Variants in ADGRG6 observed in about 807,000 individuals in gnomAD.
ADGRG6 encodes the protein G-protein coupled receptor 126.
ADGRG6 carries 84 observed loss-of-function variants against 142.4 expected under a neutral mutation model. The ratio of observed to expected loss-of-function variants is 0.59; its 90% CI spans 0.49 to 0.71. ADGRG6 has a LOEUF of 0.71. Ranked by LOEUF, ADGRG6 falls within the 30% of genes least tolerant of loss-of-function variation. The pLI is 0.00. For missense variants in ADGRG6, 1,367 were observed against 1,466.6 expected (o/e 0.93, Z 1.11); for synonymous variants, 521 against 520.5 (o/e 1.00, Z -0.01).
At chr6:142,340,696 C>T (rs1475180564) in intron 2 of ADGRG6, among the ~76,000 whole-genome samples, 1 of 151,960 alleles carries the variant, frequency 6.6e-6, no homozygotes, top group East Asian at 1.9e-4. Flanking sequence ...ACATTCTTGT[C>T]CCCCCACATC....
In ADGRG6 at chr6:142,404,961, G is replaced by A. The variant is rs1412931693; in HGVS notation, c.2128-727G>A. On this transcript the variant is annotated intron_variant, in intron 14 of 24. Transcript: ENST00000367609. ...TCCTACTACATGCCAGGCACTATTA[G>A]CCACCAGAGCAAACAAAATGAATGA... is the stretch of plus-strand genomic sequence containing the variant. Among the ~76,000 whole-genome samples, 3 of 152,140 alleles carry A rather than the reference G, an allele frequency of 2.0e-5. No individual in the cohort carries two copies. The East Asian group carries it at 5.8e-4, about 29-fold the overall frequency.
In ADGRG6 at chr6:142,437,415, A is replaced by G. The variant is rs747169601; in HGVS notation, c.3320-19A>G. ...GATGTGTCAGTTGGCTTAAATATTT[A>G]TATTTTCTTTTGTCACAGGCTTATT... On this transcript the variant is annotated intron_variant, in intron 22 of 24. Coordinates refer to ENST00000367609, the MANE Select transcript of ADGRG6 (RefSeq NM_198569.3). 25 of 1,144,268 alleles carry G rather than the reference A, an allele frequency of 2.2e-5. No homozygotes were observed. In the East Asian group the frequency reaches 5.6e-4, roughly 26 times the overall value. 70.9% of individuals were successfully genotyped at this position (1,144,268 alleles called of 1,614,324 possible).
chr6:142,352,125 A>C (rs1230774987), intron 2 of ADGRG6, among the ~76,000 whole-genome samples: 2 of 152,168 alleles, frequency 1.3e-5, no homozygotes, highest in Non-Finnish European at 2.9e-5. Flanking sequence ...TATATACCCA[A>C]AGGAAAATAA....
At chr6:142,330,260 A>G (rs1750417104) in intron 2 of ADGRG6, among the ~76,000 whole-genome samples, 1 of 152,100 alleles carries the variant, frequency 6.6e-6, no homozygotes, top group South Asian at 2.1e-4. Context: ...TACCTGGCTG[A>G]TGAAATAATC....
intron 2 of ADGRG6, among the ~76,000 whole-genome samples, chr6:142,354,675 C>A (rs1780357738): frequency 6.6e-6 from 1 of 152,106 alleles, no homozygotes; most frequent in Non-Finnish European, 1.5e-5. Context: ...AAAATGAGAT[C>A]CCTAAAAGGG....
At chr6:142,397,406 C>G (rs1340298437) in intron 9 of ADGRG6, among the ~76,000 whole-genome samples, 1 of 152,008 alleles carries the variant, frequency 6.6e-6, no homozygotes, top group Non-Finnish European at 1.5e-5. Context: ...ATTATACAAG[C>G]AATAGCCTAT....
chr6:142,422,960 C>G (rs1204338747), intron 22 of ADGRG6, among the ~76,000 whole-genome samples: 39 of 151,762 alleles, frequency 2.6e-4, no homozygotes, highest in African/African-American at 9.5e-4. Flanking sequence ...GCATAAATGT[C>G]TTCTTTTGAG....
intron 10 of ADGRG6, among the ~76,000 whole-genome samples, chr6:142,399,203 C>T (rs1314575444): frequency 6.6e-6 from 1 of 152,186 alleles, no homozygotes; most frequent in Non-Finnish European, 1.5e-5. Flanking sequence ...AAGTGTTCCT[C>T]AGCCTTGAAG....
chr6:142,347,858 T>G (rs1779982015), intron 2 of ADGRG6, among the ~76,000 whole-genome samples: 1 of 152,206 alleles, frequency 6.6e-6, no homozygotes, highest in African/African-American at 2.4e-5. Context: ...TAACAAGAGT[T>G]TCTATTTGAA....
chr6:142,430,949 T>C (rs377008486), intron 22 of ADGRG6, among the ~76,000 whole-genome samples: 12 of 152,184 alleles, frequency 7.9e-5, no homozygotes, highest in African/African-American at 2.9e-4. Context: ...AAATTTTCTG[T>C]CCTAACAACC....
chr6:142,438,192 G>C lies in ADGRG6; in HGVS notation c.3422-20G>C, dbSNP rs781519803. On this transcript the variant is annotated intron_variant, in intron 23 of 24. Coordinates refer to ENST00000367609, the MANE Select transcript of ADGRG6 (RefSeq NM_198569.3). ...TCCCGGTAAAGCAGATTGATAGGGTGATGTCATTTTTTTTTTCAGATTGGA... is the reference window on the plus strand; with the variant it reads ...TCCCGGTAAAGCAGATTGATAGGGTCATGTCATTTTTTTTTTCAGATTGGA... The C allele has an allele frequency of 6.5e-7, 1 of 1,536,312 alleles. No individual in the cohort carries two copies. The highest frequency in any genetic ancestry group is 2.3e-5 in the East Asian group (1 of 43,202).
At chr6:142,364,504 G>A (rs1475930004) in intron 2 of ADGRG6, among the ~76,000 whole-genome samples, 2 of 152,096 alleles carry the variant, frequency 1.3e-5, no homozygotes, top group East Asian at 1.9e-4. Context: ...TTGTGTTATA[G>A]TAATTATTAA....
In ADGRG6 at chr6:142,403,869, A is replaced by G. The variant is rs1174153407; in HGVS notation, c.2023A>G (p.Thr675Ala). 4 of 1,609,264 alleles carry G rather than the reference A, an allele frequency of 2.5e-6. No homozygotes were observed. In the Admixed American group the frequency reaches 5.0e-5, roughly 20 times the overall value. ...AAATAGCACATCACATGTGAATATT[A>G]CAACTCGGAACTTGGCTCTCAGCGT... The part of the protein sequence containing the change: ...DLNSTSHVNI[T>A]TRNLALSVSS... The change falls in exon 14 of 25, where the codon ACA becomes GCA. Residue 675 changes from threonine to alanine, a missense_variant. Coordinates refer to ENST00000367609, the MANE Select transcript of ADGRG6 (RefSeq NM_198569.3).
intron 6 of ADGRG6, among the ~76,000 whole-genome samples, chr6:142,386,764 T>A (rs1044664028): frequency 6.6e-6 from 1 of 152,186 alleles, no homozygotes; most frequent in Admixed American, 6.5e-5. Flanking sequence ...GGGTAGCGGG[T>A]GGCTGGAGCC....
chr6:142,386,986 A>C (rs1782060004), intron 6 of ADGRG6, among the ~76,000 whole-genome samples: 1 of 152,318 alleles, frequency 6.6e-6, no homozygotes, highest in Middle Eastern at 3.4e-3. Context: ...GACCCTACGC[A>C]GACAGGGGAC....
intron 2 of ADGRG6, among the ~76,000 whole-genome samples, chr6:142,318,131 A>ATATTATATATATTATG (rs1778263745): frequency 1.7e-5 from 1 of 57,350 alleles, no homozygotes; most frequent in Non-Finnish European, 2.9e-5. Flanking sequence ...TATATATTAT[A>ATATTATATATATTATG]TATTTATATA....
chr6:142,395,765 T>C (rs1013451888), intron 9 of ADGRG6, among the ~76,000 whole-genome samples: 5 of 152,176 alleles, frequency 3.3e-5, no homozygotes, highest in African/African-American at 1.2e-4. Flanking sequence ...CTTACCCTCA[T>C]TGGTGAGGCT....
chr6:142,346,524 G>A (rs112148963), intron 2 of ADGRG6, among the ~76,000 whole-genome samples: 2,075 of 151,556 alleles, frequency 0.014, 56 homozygotes, highest in African/African-American at 0.047. Flanking sequence ...AATTTTTCTG[G>A]GTATATACCC....
chr6:142,380,056 G>A (rs2114920716), intron 4 of ADGRG6, among the ~76,000 whole-genome samples: 1 of 152,284 alleles, frequency 6.6e-6, no homozygotes, highest in Non-Finnish European at 1.5e-5. Flanking sequence ...GTCATAGGTA[G>A]ATTTAAAATT....
Sources: gnomAD v4.1 joint callset for allele counts (sites outside exome capture counted in the v4.1 genomes callset) on GRCh38, gnomAD v4.1.1 for gene constraint, MANE v1.5 for transcripts, NCBI Gene and HGNC (gene_info 2026-07-23, HGNC 2026-07-21) for gene names.